PRKG1: variants seen among roughly 807,000 people sequenced by gnomAD.
PRKG1 encodes the protein protein kinase cGMP-dependent 1.
A neutral mutation model predicts 88.1 loss-of-function variants in PRKG1; 35 were observed. That is an observed-to-expected ratio of 0.40 (90% CI 0.30 to 0.53). The LOEUF (loss-of-function observed/expected upper bound fraction) is 0.53. Among genes scored for constraint, PRKG1 ranks in the 20% least tolerant of loss-of-function variants. The probability of loss-of-function intolerance (pLI) is 0.59; values close to 1 mark genes in which losing one functional copy is unlikely to be tolerated. For synonymous variants in PRKG1, 303 were observed against 292.5 expected, an observed-to-expected ratio of 1.04 and a Z score of -0.37; for missense variants, 540 against 839.8, an observed-to-expected ratio of 0.64 and a Z score of 4.41.
intron 3 of PRKG1, among the ~76,000 whole-genome samples, chr10:51,703,775 A>G (rs972118616): frequency 2.1e-4 from 32 of 152,160 alleles, no homozygotes; most frequent in Non-Finnish European, 3.8e-4. Flanking sequence ...AGAAACAGAG[A>G]AATCTTTGAA....
chr10:52,279,601 A>C (rs144051529), intron 12 of PRKG1, among the ~76,000 whole-genome samples: 415 of 152,230 alleles, frequency 2.7e-3, no homozygotes, highest in African/African-American at 9.3e-3. Context: ...GAATTTTGTA[A>C]AAATGTAACC....
intron 3 of PRKG1, among the ~76,000 whole-genome samples, chr10:51,663,730 C>A (rs559405679): frequency 7.5e-5 from 11 of 147,460 alleles, no homozygotes; most frequent in African/African-American, 2.5e-4. Context: ...AAAAACACAC[C>A]TGACTTTTTG....
At chr10:52,216,545 T>C (rs1840116095) in intron 9 of PRKG1, among the ~76,000 whole-genome samples, 1 of 152,216 alleles carries the variant, frequency 6.6e-6, no homozygotes, top group African/African-American at 2.4e-5. Context: ...ACCTATTTTC[T>C]CATCTTTACC....
intron 3 of PRKG1, among the ~76,000 whole-genome samples, chr10:51,501,059 A>T (rs191770561): frequency 2.0e-5 from 3 of 152,166 alleles, no homozygotes; most frequent in Non-Finnish European, 4.4e-5. Context: ...TAGCACTCAG[A>T]CCTTCCCTGG....
intron 3 of PRKG1, among the ~76,000 whole-genome samples, chr10:51,481,487 G>A (rs1016642629): frequency 6.6e-6 from 1 of 152,108 alleles, no homozygotes; most frequent in African/African-American, 2.4e-5. Flanking sequence ...GGCCTCAGAT[G>A]ATCCGCCCTC....
At chr10:52,048,834 C>G (rs1845922252) in intron 5 of PRKG1, among the ~76,000 whole-genome samples, 1 of 152,130 alleles carries the variant, frequency 6.6e-6, no homozygotes, top group Non-Finnish European at 1.5e-5. Flanking sequence ...TGATTTATAA[C>G]TCCGTTTTCT....
At chr10:51,242,195 A>G (rs1258510163) in intron 2 of PRKG1, among the ~76,000 whole-genome samples, 1 of 152,142 alleles carries the variant, frequency 6.6e-6, no homozygotes, top group South Asian at 2.1e-4. Context: ...GAAGAGCCCA[A>G]TAACCAAGCG....
intron 5 of PRKG1, among the ~76,000 whole-genome samples, chr10:52,026,624 T>G (rs1845344624): frequency 6.6e-6 from 1 of 152,178 alleles, no homozygotes; most frequent in Admixed American, 6.5e-5. Flanking sequence ...ATTCTTAAAT[T>G]AGAGAGTGGT....
chr10:52,078,118 G>A (rs907004392), intron 7 of PRKG1, among the ~76,000 whole-genome samples: 1 of 152,192 alleles, frequency 6.6e-6, no homozygotes, highest in Non-Finnish European at 1.5e-5. Flanking sequence ...CACACATTCT[G>A]TAAGAAGAAT....
chr10:52,022,917 G>C (rs538677112), intron 5 of PRKG1, among the ~76,000 whole-genome samples: 2 of 152,128 alleles, frequency 1.3e-5, no homozygotes, highest in South Asian at 2.1e-4. Flanking sequence ...TAATAGGTGA[G>C]GGTGTTTTTT....
intron 6 of PRKG1, among the ~76,000 whole-genome samples, chr10:52,055,006 C>T (rs1211577495): frequency 1.3e-5 from 2 of 152,080 alleles, no homozygotes; most frequent in Non-Finnish European, 2.9e-5. Context: ...CATGGTGGTG[C>T]ATGCCTGTCA....
chr10:52,160,360 T>C (rs1589660437), intron 8 of PRKG1, among the ~76,000 whole-genome samples: 1 of 152,138 alleles, frequency 6.6e-6, no homozygotes, highest in Non-Finnish European at 1.5e-5. Flanking sequence ...TGTTGCCTAT[T>C]ATTTGTCTAT....
At chr10:52,001,024 A>T (rs1844580961) in intron 5 of PRKG1, among the ~76,000 whole-genome samples, 1 of 151,952 alleles carries the variant, frequency 6.6e-6, no homozygotes, top group Non-Finnish European at 1.5e-5. Context: ...ACACCTAGTA[A>T]CTACCATTCT....
At chr10:51,645,996 A>C (rs750041674) in intron 3 of PRKG1, among the ~76,000 whole-genome samples, 14 of 152,174 alleles carry the variant, frequency 9.2e-5, no homozygotes, top group Non-Finnish European at 1.8e-4. Context: ...CTGAACTCTT[A>C]AGTATTGTAA....
intron 3 of PRKG1, chr10:51,698,663 C>A (rs1564612088): frequency 6.2e-7 from 1 of 1,614,170 alleles, no homozygotes; most frequent in Admixed American, 1.7e-5. Flanking sequence ...AGGCACTGGG[C>A]CAACCCCTGG....
chr10:51,592,497 T>G (rs1417702515), intron 3 of PRKG1, among the ~76,000 whole-genome samples: 2 of 152,112 alleles, frequency 1.3e-5, no homozygotes, highest in African/African-American at 4.8e-5. Flanking sequence ...ACTCCCACAA[T>G]CAATACTTGC....
At chr10:52,272,535 G>A in intron 12 of PRKG1, 54 bp downstream of exon 12, 1 of 1,246,330 alleles carries the variant, frequency 8.0e-7, no homozygotes, top group South Asian at 1.2e-5. Flanking sequence ...GCCCATGTTG[G>A]TCTATAAGAA....
At chr10:51,956,712 C>CT (rs1554860344) in intron 5 of PRKG1, among the ~76,000 whole-genome samples, 1 of 151,470 alleles carries the variant, frequency 6.6e-6, no homozygotes, top group Non-Finnish European at 1.5e-5. Context: ...ATATAAAACT[C>CT]CTCTCTCTCT....
At chr10:51,229,305 C>A (rs2054514900) in intron 2 of PRKG1, among the ~76,000 whole-genome samples, 1 of 152,074 alleles carries the variant, frequency 6.6e-6, no homozygotes, top group Admixed American at 6.6e-5. Context: ...TATATTTAAA[C>A]CCCTTTGGAA....
Sources: gnomAD v4.1 joint callset for allele counts (sites outside exome capture counted in the v4.1 genomes callset) on GRCh38, gnomAD v4.1.1 for gene constraint, MANE v1.5 for transcripts, NCBI Gene and HGNC (gene_info 2026-07-23, HGNC 2026-07-21) for gene names.